ZMYND8: variants seen among roughly 807,000 people sequenced by gnomAD.
ZMYND8 encodes the protein MYND-type zinc finger-containing chromatin reader ZMYND8.
In ZMYND8, 37 loss-of-function variants were observed where a neutral mutation model predicts 140.8. The observed-to-expected ratio is 0.26, with a 90% CI of 0.20 to 0.35. ZMYND8 has a LOEUF of 0.35. Ranked by LOEUF, ZMYND8 falls within the 10% of genes least tolerant of loss-of-function variation. ZMYND8 has a pLI of 1.00. For missense variants in ZMYND8, 1,068 were observed against 1,570.0 expected (o/e 0.68, Z 5.40); for synonymous variants, 592 against 597.1 (o/e 0.99, Z 0.12).
chr20:47,287,182 C>A (rs893314302), intron 8 of ZMYND8, 47 bp downstream of exon 8: 1 of 1,549,850 alleles, frequency 6.5e-7, no homozygotes, highest in African/African-American at 1.4e-5. Flanking sequence ...GCTGCCCCAT[C>A]CCCTCCTTCT....
At chr20:47,320,690 C>T (rs1056723708) in intron 2 of ZMYND8, 1 of 152,232 alleles carries the variant, frequency 6.6e-6, no homozygotes, top group Non-Finnish European at 1.5e-5. Flanking sequence ...CGCCATTGCA[C>T]TCCAGCCGGG....
chr20:47,269,795 C>T (rs1490539478), intron 11 of ZMYND8, among the ~76,000 whole-genome samples: 7 of 152,228 alleles, frequency 4.6e-5, no homozygotes, highest in Non-Finnish European at 1.0e-4. Flanking sequence ...ACCTCAGAAA[C>T]AACCTGTATG....
At chr20:47,315,794 GGGAGTA>G (rs1479273666) in intron 2 of ZMYND8, among the ~76,000 whole-genome samples, 1 of 152,136 alleles carries the variant, frequency 6.6e-6, no homozygotes, top group Non-Finnish European at 1.5e-5. Flanking sequence ...CCTTTTCTGA[GGGAGTA>G]GGACCTGTGA....
At chr20:47,277,824 C>A (rs2076351400) in intron 10 of ZMYND8, among the ~76,000 whole-genome samples, 1 of 152,082 alleles carries the variant, frequency 6.6e-6, no homozygotes, top group Non-Finnish European at 1.5e-5. Flanking sequence ...GTGTGTGCCA[C>A]CACGCCCAGC....
chr20:47,226,193 A>C (rs1251284398), intron 18 of ZMYND8, among the ~76,000 whole-genome samples: 1 of 151,658 alleles, frequency 6.6e-6, no homozygotes, highest in Non-Finnish European at 1.5e-5. Context: ...AACAACACCC[A>C]AATCAGCGTC....
At chr20:47,286,085 G>A (rs1440778728) in intron 8 of ZMYND8, among the ~76,000 whole-genome samples, 2 of 151,854 alleles carry the variant, frequency 1.3e-5, no homozygotes, top group East Asian at 1.9e-4. Context: ...AATTAGCTGG[G>A]TGTGATGGTG....
intron 2 of ZMYND8, among the ~76,000 whole-genome samples, chr20:47,344,904 A>G (rs955239034): frequency 6.6e-6 from 1 of 152,178 alleles, no homozygotes; most frequent in African/African-American, 2.4e-5. Flanking sequence ...CTTGAGGCCA[A>G]GGGTTTCAGA....
chr20:47,236,229 G>C, intron 16 of ZMYND8, 97 bp downstream of exon 16: 1 of 1,457,188 alleles, frequency 6.9e-7, no homozygotes, highest in Non-Finnish European at 9.4e-7. Context: ...CCTAAAGACT[G>C]CAAGGTTAAG....
chr20:47,344,679 C>G (rs1254025496), intron 2 of ZMYND8, among the ~76,000 whole-genome samples: 7 of 152,184 alleles, frequency 4.6e-5, no homozygotes. Flanking sequence ...AACAATTACA[C>G]CACACTAGTG....
intron 2 of ZMYND8, chr20:47,319,034 C>A: frequency 2.2e-6 from 3 of 1,350,760 alleles, no homozygotes; most frequent in Non-Finnish European, 2.9e-6. Context: ...AGCAGACATT[C>A]CTGCTTCCGG....
intron 14 of ZMYND8, among the ~76,000 whole-genome samples, chr20:47,245,009 A>G (rs979651136): frequency 1.3e-5 from 2 of 151,974 alleles, no homozygotes; most frequent in Non-Finnish European, 2.9e-5. Context: ...GTCAGCCGAG[A>G]TTGTACCATT....
intron 7 of ZMYND8, among the ~76,000 whole-genome samples, chr20:47,288,226 G>C (rs1286097994): frequency 6.6e-6 from 1 of 152,148 alleles, no homozygotes; most frequent in Non-Finnish European, 1.5e-5. Context: ...TTCCAGGCCA[G>C]GTAGGAGTTT....
intron 2 of ZMYND8, among the ~76,000 whole-genome samples, chr20:47,314,639 G>A (rs1023731331): frequency 6.6e-6 from 1 of 152,218 alleles, no homozygotes; most frequent in African/African-American, 2.4e-5. Context: ...TTTGAGGAAC[G>A]CTAGGGTATG....
intron 21 of ZMYND8, among the ~76,000 whole-genome samples, chr20:47,218,177 C>T (rs1200960240): frequency 1.3e-5 from 2 of 152,228 alleles, no homozygotes; most frequent in African/African-American, 2.4e-5. Flanking sequence ...ACTCCTCCAG[C>T]TCAGAATGGA....
intron 16 of ZMYND8, 56 bp downstream of exon 16, chr20:47,236,270 T>TTCTGGCATCCTGCCAGGTG: frequency 3.1e-6 from 5 of 1,607,394 alleles, no homozygotes; most frequent in Non-Finnish European, 4.3e-6. Flanking sequence ...GAGACCAAGA[T>TTCTGGCATCCTGCCAGGTG]TCTGGCATCC....
chr20:47,221,956 C>T (rs183014094), intron 19 of ZMYND8, among the ~76,000 whole-genome samples: 6 of 152,284 alleles, frequency 3.9e-5, no homozygotes, highest in South Asian at 2.1e-4. Context: ...CTTGAGCCAC[C>T]GTGCCTAGCC....
Position 47,210,594 on chromosome 20 carries a change from G to T in ZMYND8, c.*167C>A. On this transcript the variant is annotated 3_prime_UTR_variant, in exon 23 of 23. Transcript: ENST00000471951. ...CAGTCTGCAGTCAAAGCCGATGCTG[G>T]GTGTCCTGTAGTGTAGCAGCCCCCG... The T allele has an allele frequency of 1.1e-6, 1 of 952,026 alleles. No individual in the cohort carries two copies. The highest frequency in any genetic ancestry group is 1.6e-6 in the Non-Finnish European group (1 of 615,428). The allele number at this position is 952,026 out of a possible 1,614,324, so 59.0% of individuals were successfully genotyped here. A position where few individuals can be genotyped will look rare whatever the true frequency, so the allele number is the denominator to read the frequency against.
At chr20:47,267,593 C>T (rs1050775534) in intron 11 of ZMYND8, among the ~76,000 whole-genome samples, 1 of 152,134 alleles carries the variant, frequency 6.6e-6, no homozygotes, top group African/African-American at 2.4e-5. Flanking sequence ...CCACCATGTG[C>T]ACAGCACCCT....
chr20:47,355,981 T>C (rs1206569133), intron 1 of ZMYND8, among the ~76,000 whole-genome samples: 1 of 151,972 alleles, frequency 6.6e-6, no homozygotes, highest in Non-Finnish European at 1.5e-5. Flanking sequence ...CAATGTAGTT[T>C]CAAGTGCAGA....
Sources: allele counts gnomAD v4.1 joint callset (sites outside exome capture counted in the v4.1 genomes callset), GRCh38; gene constraint gnomAD v4.1.1; transcripts MANE v1.5; gene names NCBI Gene and HGNC (gene_info 2026-07-23, HGNC 2026-07-21).